Variants in BIRC6 observed in about 807,000 individuals in gnomAD.
BIRC6 encodes dual E2 ubiquitin-conjugating enzyme/E3 ubiquitin-protein ligase BIRC6.
In BIRC6, 98 loss-of-function variants were observed where a neutral mutation model predicts 503.3. The observed-to-expected ratio is 0.19, with a 90% confidence interval of 0.17 to 0.23. The LOEUF is 0.23. Among genes scored for constraint, BIRC6 ranks in the 10% least tolerant of loss-of-function variants. BIRC6 has a pLI of 1.00. For synonymous variants in BIRC6, 2,240 were observed against 2,078.7 expected, an observed-to-expected ratio of 1.08 and a Z score of -2.11; for missense variants, 5,360 against 5,806.0, an observed-to-expected ratio of 0.92 and a Z score of 2.50.
intron 40 of BIRC6, 83 bp from the exon 41 acceptor site, chr2:32,487,564 T>C (rs1027683698): frequency 2.1e-5 from 26 of 1,218,528 alleles, no homozygotes; most frequent in Admixed American, 1.3e-4. Context: ...AAAAACAATT[T>C]AACCTATTTA....
In BIRC6 at chr2:32,463,243, A is replaced by G; in HGVS notation, c.4803A>G (p.Thr1601=). The G allele has an allele frequency of 1.9e-6, 3 of 1,613,506 alleles. No individual in the cohort carries two copies. The highest frequency in any genetic ancestry group is 2.5e-6 in the Non-Finnish European group (3 of 1,179,694). The part of the protein sequence containing the change: ...TPAVGGLSSG[T]VGEASTALSS... ...CAGTAGGTGGACTATCATCTGGGAC[A>G]GTTGGGGAAGCCTCGACAGCCCTGA... Residue 1601 remains threonine (T), a synonymous_variant, in exon 24 of 74, where the codon ACA becomes ACG. Coordinates refer to ENST00000421745, the MANE Select transcript of BIRC6 (RefSeq NM_016252.4).
At chr2:32,422,740 T>C (rs948681880) in intron 10 of BIRC6, among the ~76,000 whole-genome samples, 11 of 152,212 alleles carry the variant, frequency 7.2e-5, no homozygotes, top group African/African-American at 2.7e-4. Flanking sequence ...TTTTCCTCTC[T>C]TACTATGTTT....
intron 65 of BIRC6, among the ~76,000 whole-genome samples, chr2:32,551,101 TATAGTC>T (rs958154440): frequency 2.6e-5 from 4 of 151,974 alleles, no homozygotes; most frequent in African/African-American, 9.7e-5. Flanking sequence ...TGATGTAACT[TATAGTC>T]AGTAGGTTAA....
chr2:32,435,077 C>G (rs1180768112), intron 13 of BIRC6, among the ~76,000 whole-genome samples: 1 of 152,036 alleles, frequency 6.6e-6, no homozygotes, highest in East Asian at 1.9e-4. Context: ...ATATGTGTGT[C>G]TGTATATTTA....
At chr2:32,595,210 A>T (rs536618855) in intron 68 of BIRC6, 66 bp downstream of exon 68, 2 of 990,372 alleles carry the variant, frequency 2.0e-6, no homozygotes, top group Admixed American at 5.7e-5. Flanking sequence ...TGCTATTGAA[A>T]TGTGTTTTAG....
intron 66 of BIRC6, among the ~76,000 whole-genome samples, chr2:32,591,726 A>AT (rs1368135134): frequency 2.0e-5 from 3 of 152,216 alleles, no homozygotes; most frequent in Non-Finnish European, 4.4e-5. Flanking sequence ...ACTATATTTT[A>AT]TTATGGCTGT....
Position 32,416,441 on chromosome 2 carries a change from ACT to A in BIRC6, c.2872+281_2872+282del, listed in dbSNP as rs1055995711. 4.6e-5 allele frequency among the ~76,000 whole-genome samples: 7 copies of A among 151,466 alleles called. No homozygotes were observed. In the East Asian group the frequency reaches 1.4e-3, roughly 29 times the overall value. On this transcript the variant is annotated intron_variant, in intron 10 of 73. Coordinates refer to ENST00000421745, the MANE Select transcript of BIRC6 (RefSeq NM_016252.4). Reference sequence around the variant, plus strand: ...GTGCTTTTATTTCAGTGAGTCCCTGACTCTGCATCTGCTCAAATTTATGACCT... The same window carrying A: ...GTGCTTTTATTTCAGTGAGTCCCTGACTGCATCTGCTCAAATTTATGACCT...
Position 32,611,500 on chromosome 2 carries a change from A to G in BIRC6, c.14312A>G (p.Glu4771Gly). Residue 4771 changes from glutamate (E) to glycine (G), a missense_variant, in exon 73 of 74, where the codon GAG (glutamate) becomes GGG (glycine). Physicochemically the swap from Glu to Gly is moderately conservative, Grantham distance 98. Transcript: ENST00000421745. ...AGAGTTGAGATAATGGCCCAATGTGAGGAGTGGATTGCGGATATCCAGCAG... is the reference window on the plus strand; with the variant it reads ...AGAGTTGAGATAATGGCCCAATGTGGGGAGTGGATTGCGGATATCCAGCAG... Reference protein sequence around the residue: ...LKRVEIMAQCEEWIADIQQYS... With the variant: ...LKRVEIMAQCGEWIADIQQYS... The G allele has an allele frequency of 6.2e-7, 1 of 1,611,444 alleles. No homozygotes were observed. The highest frequency in any genetic ancestry group is 8.5e-7 in the Non-Finnish European group (1 of 1,178,352).
chr2:32,474,227 T>G (rs2049461407), intron 33 of BIRC6, among the ~76,000 whole-genome samples: 2 of 152,272 alleles, frequency 1.3e-5, no homozygotes, highest in South Asian at 4.1e-4. Context: ...GGCAATACGT[T>G]TTTTATTTTT....
chr2:32,458,941 C>T (rs775017524), intron 23 of BIRC6, among the ~76,000 whole-genome samples: 1 of 151,976 alleles, frequency 6.6e-6, no homozygotes, highest in Admixed American at 6.5e-5. Context: ...TTGCCTGCCT[C>T]GGCCTCCCAA....
chr2:32,439,328 T>G (rs940864497), intron 15 of BIRC6, among the ~76,000 whole-genome samples, 180 bp from the exon 16 acceptor site: 13 of 152,054 alleles, frequency 8.5e-5, no homozygotes, highest in African/African-American at 3.1e-4. Context: ...TTGTTGGTTG[T>G]TTTTTGCTGA....
chr2:32,477,047 A>G (rs903596314), intron 34 of BIRC6, among the ~76,000 whole-genome samples: 4 of 152,128 alleles, frequency 2.6e-5, no homozygotes, highest in African/African-American at 7.2e-5. Flanking sequence ...AGCTTTTACA[A>G]ATTATGTTTA....
Position 32,509,820 on chromosome 2 carries a change from A to T in BIRC6, c.10063A>T (p.Thr3355Ser). 1 of 1,614,018 alleles carries T rather than the reference A, an allele frequency of 6.2e-7. No homozygotes were observed. Among genetic ancestry groups the T allele is most frequent in the Non-Finnish European group, 8.5e-7 (1 of 1,179,874 alleles). The change falls in exon 52 of 74, where the codon ACT becomes TCT. Residue 3355 changes from threonine to serine, a missense_variant. By Grantham distance (58) the Thr-to-Ser change is moderately conservative. Coordinates refer to ENST00000421745, the MANE Select transcript of BIRC6 (RefSeq NM_016252.4). ...EGMMASAAAP[T>S]ANLLQTCAAL... ...AATGATGGCAAGTGCAGCTGCACCT[A>T]CTGCTAATCTGCTGCAGACTTGTGC...
At chr2:32,554,972 A>G (rs2058675735) in intron 65 of BIRC6, among the ~76,000 whole-genome samples, 1 of 152,146 alleles carries the variant, frequency 6.6e-6, no homozygotes, top group Non-Finnish European at 1.5e-5. Context: ...CCAAATTAAA[A>G]AGGACATAGA....
At chr2:32,563,281 A>T (rs2059322286) in intron 65 of BIRC6, 1 of 152,192 alleles carries the variant, frequency 6.6e-6, no homozygotes, top group Non-Finnish European at 1.5e-5. Context: ...TATTTTTATC[A>T]GTATAAATTC....
At chr2:32,543,682 A>G in intron 62 of BIRC6, 141 bp downstream of exon 62, 1 of 760,932 alleles carries the variant, frequency 1.3e-6, no homozygotes. Context: ...CACTTCCAGT[A>G]TTAGTTATAC....
intron 12 of BIRC6, among the ~76,000 whole-genome samples, chr2:32,432,410 C>G (rs906647277): frequency 6.6e-6 from 1 of 151,970 alleles, no homozygotes; most frequent in Non-Finnish European, 1.5e-5. Flanking sequence ...GAGTGAGACT[C>G]CATCTCAAGA....
chr2:32,423,090 G>A (rs2043113837), intron 10 of BIRC6, among the ~76,000 whole-genome samples: 1 of 151,876 alleles, frequency 6.6e-6, no homozygotes, highest in African/African-American at 2.4e-5. Flanking sequence ...CAGGCGTCTG[G>A]CTAATTTTTG....
Position 32,513,055 on chromosome 2 carries a change from C to T in BIRC6, c.10469C>T (p.Ser3490Phe). 1 of 1,613,922 alleles carries T rather than the reference C, an allele frequency of 6.2e-7. No individual in the cohort carries two copies. Among genetic ancestry groups the T allele is most frequent in the Non-Finnish European group, 8.5e-7 (1 of 1,179,850 alleles). ...GTAGAGTATGGTCTTCTGATGCCAT[C>T]TCCTTCTCATTTGCACTGTGTAGCA... Reference protein sequence around the residue: ...STVEYGLLMPSPSHLHCVAAI... With the variant: ...STVEYGLLMPFPSHLHCVAAI... Residue 3490 changes from serine (S) to phenylalanine (F), a missense_variant, in exon 54 of 74, where the codon TCT becomes TTT. By Grantham distance (155) the Ser-to-Phe change is radical. Coordinates refer to ENST00000421745, the MANE Select transcript of BIRC6 (RefSeq NM_016252.4).
Sources: allele counts gnomAD v4.1 joint callset (sites outside exome capture counted in the v4.1 genomes callset), GRCh38; gene constraint gnomAD v4.1.1; transcripts MANE v1.5; gene names NCBI Gene and HGNC (gene_info 2026-07-23, HGNC 2026-07-21).